IL1RAPL1: variants seen among roughly 807,000 people sequenced by gnomAD.
IL1RAPL1 encodes the protein interleukin-1 receptor accessory protein-like 1.
In IL1RAPL1, 3 loss-of-function variants were observed where a neutral mutation model predicts 48.4. The ratio of observed to expected loss-of-function variants is 0.06; its 90% CI spans 0.03 to 0.16. The LOEUF (loss-of-function observed/expected upper bound fraction) is 0.16, where lower values mean the gene tolerates loss of function less well. Among genes scored for constraint, IL1RAPL1 ranks in the 10% least tolerant of loss-of-function variants. The probability of loss-of-function intolerance (pLI) is 1.00; values close to 1 mark genes in which losing one functional copy is unlikely to be tolerated. For missense variants in IL1RAPL1, 349 were observed against 530.6 expected (o/e 0.66, Z 3.36); for synonymous variants, 185 against 187.7 (o/e 0.99, Z 0.12).
intron 2 of IL1RAPL1, among the ~76,000 whole-genome samples, chrX:28,818,083 A>G (rs1003689286): frequency 9.0e-6 from 1 of 111,318 alleles, no homozygotes. Flanking sequence ...ACAATACATC[A>G]TGATGCTAGA....
At chrX:28,817,378 G>T (rs181575116) in intron 2 of IL1RAPL1, among the ~76,000 whole-genome samples, 1 of 110,854 alleles carries the variant, frequency 9.0e-6, no homozygotes, top group Admixed American at 9.6e-5. Context: ...TTCATTTGTA[G>T]TAGGTCCACC....
intron 3 of IL1RAPL1, among the ~76,000 whole-genome samples, chrX:29,343,401 C>G (rs982309091): frequency 4.5e-5 from 5 of 111,086 alleles, no homozygotes; most frequent in Non-Finnish European, 9.4e-5. Context: ...TAATGGTTCC[C>G]TGCTTTTTGT....
At chrX:29,102,020 A>C (rs768058401) in intron 2 of IL1RAPL1, among the ~76,000 whole-genome samples, 2 of 112,176 alleles carry the variant, frequency 1.8e-5, no homozygotes, top group Non-Finnish European at 3.8e-5. Flanking sequence ...AACATAGGCA[A>C]ATCAATCAGT....
At chrX:29,880,133 GA>G (rs1431802572) in intron 6 of IL1RAPL1, among the ~76,000 whole-genome samples, 1 of 110,882 alleles carries the variant, frequency 9.0e-6, no homozygotes, top group African/African-American at 3.3e-5. Flanking sequence ...TTTGATAATG[GA>G]GAAGATGGAA....
intron 6 of IL1RAPL1, among the ~76,000 whole-genome samples, chrX:29,696,705 T>A (rs1233833253): frequency 2.7e-5 from 3 of 111,387 alleles, no homozygotes; most frequent in African/African-American, 9.8e-5. Flanking sequence ...AACAGAAAAG[T>A]TTTTGGGGAA....
intron 1 of IL1RAPL1, among the ~76,000 whole-genome samples, chrX:28,707,157 C>G (rs976293981): frequency 8.9e-6 from 1 of 112,014 alleles, no homozygotes; most frequent in African/African-American, 3.2e-5. Context: ...CTGTTTACTT[C>G]GAACGCCTGT....
chrX:29,789,248 C>T (rs1929574751), intron 6 of IL1RAPL1, among the ~76,000 whole-genome samples: 1 of 111,751 alleles, frequency 8.9e-6, no homozygotes, highest in African/African-American at 3.2e-5. Context: ...ATTTAATTCA[C>T]CTTAAAGTTT....
chrX:29,291,199 A>G (rs1395912751), intron 3 of IL1RAPL1, among the ~76,000 whole-genome samples: 1 of 110,845 alleles, frequency 9.0e-6, no homozygotes, highest in African/African-American at 3.3e-5. Flanking sequence ...TCTGTGAACT[A>G]AAAAGGTATA....
chrX:29,454,174 G>A (rs187017338), intron 5 of IL1RAPL1, among the ~76,000 whole-genome samples: 103 of 112,453 alleles, frequency 9.2e-4, no homozygotes, highest in African/African-American at 3.2e-3. Context: ...AGTGAGGTAC[G>A]TCTTTCTTCT....
At chrX:29,649,852 T>C (rs1219238341) in intron 5 of IL1RAPL1, among the ~76,000 whole-genome samples, 2 of 111,316 alleles carry the variant, frequency 1.8e-5, no homozygotes, top group East Asian at 5.6e-4. Flanking sequence ...CTTATATATA[T>C]AGAAAACCCT....
intron 2 of IL1RAPL1, among the ~76,000 whole-genome samples, chrX:28,937,197 T>C (rs1309262096): frequency 8.9e-6 from 1 of 111,772 alleles, no homozygotes; most frequent in Non-Finnish European, 1.9e-5. Flanking sequence ...GCCTTTTGTG[T>C]TACCGTTTCT....
In IL1RAPL1 at chrX:29,080,928, C is replaced by CTT. The variant is rs1479216650; in HGVS notation, c.83-202008_83-202007dup. Among the ~76,000 whole-genome samples, 10 of 25,412 alleles carry CTT rather than the reference C, an allele frequency of 3.9e-4. No homozygotes were observed. The East Asian group carries it at 0.015, about 38-fold the overall frequency. The allele number at this position is 25,412 out of a possible 115,157, so 22.1% of individuals were successfully genotyped here. A position where few individuals can be genotyped will look rare whatever the true frequency, so the allele number is the denominator to read the frequency against. ...CAGCTATTTTTTTTAAATATTTTTT[C>CTT]TTTCTTTCTTTCTTTCTTTCTTTCT... On this transcript the variant is annotated intron_variant, in intron 2 of 10. Transcript: ENST00000378993.
intron 3 of IL1RAPL1, among the ~76,000 whole-genome samples, chrX:29,390,628 G>A (rs765853649): frequency 2.7e-5 from 3 of 111,676 alleles, no homozygotes; most frequent in Non-Finnish European, 5.6e-5. Flanking sequence ...AATTCTGCTA[G>A]AGTAAGAGAG....
In IL1RAPL1 at chrX:29,027,055, T is replaced by G. The variant is rs956161668; in HGVS notation, c.82+237630T>G. 3.0e-4 allele frequency among the ~76,000 whole-genome samples: 34 copies of G among 111,617 alleles called. 1 individual carries two copies. Among genetic ancestry groups the G allele is most frequent in the Admixed American group, 2.7e-3 (28 of 10,522 alleles). On this transcript the variant is annotated intron_variant, in intron 2 of 10. Coordinates refer to ENST00000378993, the MANE Select transcript of IL1RAPL1 (RefSeq NM_014271.4). ...ATCAATACATCATTATCATTCAGAG[T>G]CCATAGTTTACATTAGAGTCACTCT...
chrX:29,543,115 T>TTCTCTCTCTCTCTCTCTCTCTCTCTC (rs59836290), intron 5 of IL1RAPL1, among the ~76,000 whole-genome samples: 4 of 91,683 alleles, frequency 4.4e-5, no homozygotes, highest in African/African-American at 1.2e-4. Flanking sequence ...ATCTGTTCGT[T>TTCTCTCTCTCTCTCTCTCTCTCTCTC]TCTCTCTCTC....
At chrX:29,430,726 T>A (rs188158479) in intron 5 of IL1RAPL1, among the ~76,000 whole-genome samples, 3 of 110,321 alleles carry the variant, frequency 2.7e-5, no homozygotes, top group Non-Finnish European at 5.7e-5. Flanking sequence ...TGTATACTTA[T>A]AATCTATATA....
At chrX:29,832,476 G>A (rs774544171) in intron 6 of IL1RAPL1, among the ~76,000 whole-genome samples, 1 of 111,130 alleles carries the variant, frequency 9.0e-6, no homozygotes, top group South Asian at 3.8e-4. Context: ...TAACAGAAAA[G>A]CTTTATGAAT....
chrX:29,444,722 A>G (rs1934591904), intron 5 of IL1RAPL1, among the ~76,000 whole-genome samples: 1 of 111,965 alleles, frequency 8.9e-6, no homozygotes, highest in South Asian at 3.7e-4. Flanking sequence ...TATTTTATTA[A>G]TAATTATAAT....
intron 2 of IL1RAPL1, among the ~76,000 whole-genome samples, chrX:28,790,842 C>A (rs1326753941): frequency 9.0e-6 from 1 of 110,986 alleles, no homozygotes; most frequent in Non-Finnish European, 1.9e-5. Context: ...TGAGCATAAC[C>A]AAGAGAGTTA....
Sources: allele counts gnomAD v4.1 joint callset (sites outside exome capture counted in the v4.1 genomes callset), GRCh38; gene constraint gnomAD v4.1.1; transcripts MANE v1.5; gene names NCBI Gene and HGNC (gene_info 2026-07-23, HGNC 2026-07-21).